UGGT2: variants seen among roughly 807,000 people sequenced by gnomAD.
The protein encoded by UGGT2 is UDP-glucose glycoprotein glucosyltransferase 2, also known as UDP-glucose:glycoprotein glucosyltransferase 2.
UGGT2 carries 180 observed loss-of-function variants against 192.1 expected under a neutral mutation model. That is an observed-to-expected ratio of 0.94 (90% CI 0.83 to 1.06). UGGT2 has a LOEUF of 1.06. UGGT2 is among the 50% of genes least tolerant of loss of function. The pLI, the probability that UGGT2 is intolerant of heterozygous loss-of-function variation, is 0.00. For synonymous variants in UGGT2, 580 were observed against 591.0 expected, an observed-to-expected ratio of 0.98 and a Z score of 0.27; for missense variants, 1,849 against 1,795.7, an observed-to-expected ratio of 1.03 and a Z score of -0.54.
intron 4 of UGGT2, 123 bp downstream of exon 4, chr13:96,022,917 C>T (rs1051707980): frequency 2.2e-5 from 12 of 553,586 alleles, no homozygotes; most frequent in African/African-American, 5.9e-5. Flanking sequence ...GTTTTCAATA[C>T]AAATCACATT....
rs2047597610 is a variant in UGGT2, at chr13:95,884,741, T to C, written c.3039-61A>G. 15 of 1,480,924 alleles carry C rather than the reference T, an allele frequency of 1.0e-5. No individual in the cohort carries two copies. In the South Asian group the frequency reaches 1.4e-4, roughly 14 times the overall value. The allele number at this position is 1,480,924 out of a possible 1,614,324, so 91.7% of individuals were successfully genotyped here. A position where few individuals can be genotyped will look rare whatever the true frequency, so the allele number is the denominator to read the frequency against. On this transcript the variant is annotated intron_variant, in intron 26 of 38. Coordinates refer to ENST00000376747, the MANE Select transcript of UGGT2 (RefSeq NM_020121.4). ...AAACTGAGATTTTTCTTTTAAAATA[T>C]TTTCAAAATTGAAAATTGCTTAATG...
At position 95,894,595 on chromosome 13, in the gene UGGT2, C is replaced by A. The variant is rs200668883; in HGVS notation, c.2822G>T (p.Arg941Leu). The A allele has an allele frequency of 6.2e-7, 1 of 1,610,266 alleles. No individual in the cohort carries two copies. The highest frequency in any genetic ancestry group is 1.7e-5 in the Admixed American group (1 of 59,634). Reference protein sequence around the residue: ...LMSSVPKRASRYDVTFLRENH... With the variant: ...LMSSVPKRASLYDVTFLRENH... ...CTCCCTAAGAAATGTGACATCATAT[C>A]GAGATGCACGCTTAGGCACAGAGGA... is the stretch of plus-strand genomic sequence containing the variant. Residue 941 changes from arginine (R) to leucine (L), a missense_variant, in exon 24 of 39, where the codon CGA (arginine) becomes CTA (leucine). Coordinates refer to ENST00000376747, the MANE Select transcript of UGGT2 (RefSeq NM_020121.4).
intron 30 of UGGT2, among the ~76,000 whole-genome samples, chr13:95,865,398 A>C (rs1158703876): frequency 6.6e-6 from 1 of 152,168 alleles, no homozygotes; most frequent in Non-Finnish European, 1.5e-5. Context: ...TAATCCCAGC[A>C]CTCTGGGAGG....
intron 28 of UGGT2, 108 bp downstream of exon 28, chr13:95,877,590 G>T: frequency 3.8e-6 from 5 of 1,306,344 alleles, no homozygotes; most frequent in South Asian, 1.8e-5. Context: ...TTTGTTTTCT[G>T]CAAACTGTTC....
Position 95,928,462 on chromosome 13 carries a change from C to G in UGGT2, c.1978-1126G>C, listed in dbSNP as rs541494812. 3.9e-5 allele frequency among the ~76,000 whole-genome samples: 6 copies of G among 152,016 alleles called. No individual in the cohort carries two copies. The East Asian group carries it at 1.2e-3, about 30-fold the overall frequency. On this transcript the variant is annotated intron_variant, in intron 17 of 38. Coordinates refer to ENST00000376747, the MANE Select transcript of UGGT2 (RefSeq NM_020121.4). Reference sequence around the variant, plus strand: ...ATGGGGCGGCTGCTGGGCGGAGGGGCTCCTCACTTCTCAGACGGGGCAGCC... The same window carrying G: ...ATGGGGCGGCTGCTGGGCGGAGGGGGTCCTCACTTCTCAGACGGGGCAGCC...
chr13:95,831,292 T>C (rs1025879833), intron 38 of UGGT2, among the ~76,000 whole-genome samples: 1 of 151,850 alleles, frequency 6.6e-6, no homozygotes, highest in African/African-American at 2.4e-5. Flanking sequence ...TAAAAAAAAA[T>C]CTCTTTTGTA....
At chr13:95,964,172 T>C (rs1408294723) in intron 12 of UGGT2, among the ~76,000 whole-genome samples, 1 of 152,138 alleles carries the variant, frequency 6.6e-6, no homozygotes, top group East Asian at 1.9e-4. Context: ...CATGTATTTA[T>C]AGCCAATTGA....
At chr13:96,048,551 T>C (rs1201157148) in intron 1 of UGGT2, among the ~76,000 whole-genome samples, 1 of 152,112 alleles carries the variant, frequency 6.6e-6, no homozygotes, top group Non-Finnish European at 1.5e-5. Flanking sequence ...ATTCAGGAGC[T>C]GGTTTTTTGA....
chr13:95,972,722 T>G, intron 10 of UGGT2, 51 bp from the exon 11 acceptor site: 1 of 1,329,314 alleles, frequency 7.5e-7, no homozygotes, highest in East Asian at 2.3e-5. Context: ...AATAGTGACC[T>G]ATATTAGGGG....
intron 2 of UGGT2, among the ~76,000 whole-genome samples, chr13:96,031,016 G>A (rs1489402002): frequency 6.6e-6 from 1 of 152,108 alleles, no homozygotes; most frequent in Non-Finnish European, 1.5e-5. Context: ...ACGTATAACA[G>A]CAAGATTGAA....
intron 10 of UGGT2, among the ~76,000 whole-genome samples, chr13:95,975,245 GT>G (rs1380270796): frequency 6.6e-6 from 1 of 152,150 alleles, no homozygotes; most frequent in African/African-American, 2.4e-5. Context: ...TAGGATTTGG[GT>G]TTTTAAGGGC....
At chr13:95,974,524 G>T (rs534966551) in intron 10 of UGGT2, among the ~76,000 whole-genome samples, 15 of 152,282 alleles carry the variant, frequency 9.9e-5, no homozygotes, top group Admixed American at 2.6e-4. Flanking sequence ...CAGAAAACAG[G>T]TAACAGACTG....
intron 15 of UGGT2, 79 bp from the exon 16 acceptor site, chr13:95,940,170 A>T (rs2049619488): frequency 1.0e-5 from 12 of 1,149,838 alleles, no homozygotes; most frequent in Middle Eastern, 2.9e-4. Context: ...ATGCAGATAG[A>T]TTTTTATTTT....
At chr13:95,817,596 T>G (rs113605146) in intron 38 of UGGT2, among the ~76,000 whole-genome samples, 4 of 151,620 alleles carry the variant, frequency 2.6e-5, no homozygotes, top group African/African-American at 7.3e-5. Context: ...CACAAAAACA[T>G]TGGAAGGAAA....
intron 1 of UGGT2, among the ~76,000 whole-genome samples, chr13:96,046,021 C>T (rs1376701917): frequency 1.3e-5 from 2 of 152,030 alleles, no homozygotes; most frequent in East Asian, 3.8e-4. Context: ...AGAGCCCACA[C>T]AGCCAAAGCA....
intron 10 of UGGT2, among the ~76,000 whole-genome samples, chr13:95,973,047 G>C (rs1051131591): frequency 6.6e-6 from 1 of 152,158 alleles, no homozygotes; most frequent in Non-Finnish European, 1.5e-5. Flanking sequence ...GCACATGCCC[G>C]TAATCCCAGC....
chr13:95,949,464 A>C lies in UGGT2; in HGVS notation c.1336-10T>G. 6.9e-7 allele frequency: 1 copy of C among 1,454,032 alleles called. No individual in the cohort carries two copies. The highest frequency in any genetic ancestry group is 9.1e-7 in the Non-Finnish European group (1 of 1,093,736). The allele number at this position is 1,454,032 out of a possible 1,614,324, so 90.1% of individuals were successfully genotyped here. ...CTAAGTCATTAATCCACTAGAAAAG[A>C]ACGCAGACACTTGTGAAAGCTATAT... On this transcript the variant is annotated splice_polypyrimidine_tract_variant and intron_variant, in intron 12 of 38. Transcript: ENST00000376747.
At chr13:96,009,801 T>C (rs1181402939) in intron 5 of UGGT2, among the ~76,000 whole-genome samples, 1 of 150,172 alleles carries the variant, frequency 6.7e-6, no homozygotes, top group Non-Finnish European at 1.5e-5. Context: ...AGCAAGACTC[T>C]GTCTAAAATA....
chr13:95,886,234 C>G (rs144499279), intron 26 of UGGT2, among the ~76,000 whole-genome samples: 44 of 152,234 alleles, frequency 2.9e-4, no homozygotes, highest in African/African-American at 1.0e-3. Flanking sequence ...TGCCCTTAAC[C>G]TGTCTCATCT....
Sources: gnomAD v4.1 joint callset for allele counts (sites outside exome capture counted in the v4.1 genomes callset) on GRCh38, gnomAD v4.1.1 for gene constraint, MANE v1.5 for transcripts, NCBI Gene and HGNC (gene_info 2026-07-23, HGNC 2026-07-21) for gene names.